DLGAP2: variants seen among roughly 807,000 people sequenced by gnomAD.
DLGAP2 encodes disks large-associated protein 2.
A neutral mutation model predicts 100.3 loss-of-function variants in DLGAP2; 26 were observed. That is an observed-to-expected ratio of 0.26 (90% CI 0.19 to 0.36). DLGAP2 has a LOEUF of 0.36. Ranked by LOEUF, DLGAP2 falls within the 10% of genes least tolerant of loss-of-function variation. DLGAP2 has a pLI of 1.00. For synonymous variants in DLGAP2, 886 were observed against 630.1 expected, an observed-to-expected ratio of 1.41 and a Z score of -6.08; for missense variants, 1,858 against 1,453.2, an observed-to-expected ratio of 1.28 and a Z score of -4.53.
intron 3 of DLGAP2, among the ~76,000 whole-genome samples, chr8:1,272,090 A>G (rs1394807355): frequency 6.6e-6 from 1 of 152,220 alleles, no homozygotes; most frequent in African/African-American, 2.4e-5. Context: ...TGCTGGAATT[A>G]CAGGCATGAG....
At chr8:1,283,545 C>G (rs1052482372) in intron 3 of DLGAP2, among the ~76,000 whole-genome samples, 3 of 152,218 alleles carry the variant, frequency 2.0e-5, no homozygotes, top group Non-Finnish European at 4.4e-5. Context: ...AGCCTTGGCA[C>G]TCGGCTTTGC....
chr8:1,339,199 G>A (rs1247381393), intron 3 of DLGAP2, among the ~76,000 whole-genome samples: 1 of 150,378 alleles, frequency 6.6e-6, no homozygotes, highest in African/African-American at 2.5e-5. Flanking sequence ...ACGTGTGAGG[G>A]AAGGCAGTGA....
At chr8:806,289 G>T (rs540208883) in intron 1 of DLGAP2, among the ~76,000 whole-genome samples, 1 of 152,324 alleles carries the variant, frequency 6.6e-6, no homozygotes, top group South Asian at 2.1e-4. Context: ...ATGGCGCTGG[G>T]TCTCAAGGTG....
intron 2 of DLGAP2, among the ~76,000 whole-genome samples, chr8:1,060,808 G>A (rs1269318552): frequency 6.6e-6 from 1 of 152,194 alleles, no homozygotes; most frequent in Non-Finnish European, 1.5e-5. Flanking sequence ...ACCTCCCTGT[G>A]GGCCTGGGAG....
intron 1 of DLGAP2, among the ~76,000 whole-genome samples, chr8:793,591 C>G (rs1329037229): frequency 2.0e-5 from 3 of 152,176 alleles, no homozygotes; most frequent in Non-Finnish European, 4.4e-5. Context: ...TACTCCTTCT[C>G]CTCTGAAACT....
chr8:1,024,270 A>G (rs11780007), intron 2 of DLGAP2, among the ~76,000 whole-genome samples: 1,103 of 33,430 alleles, frequency 0.033, 145 homozygotes, highest in Middle Eastern at 0.19. Flanking sequence ...CACCCCAGCC[A>G]CCACCCACCC....
intron 1 of DLGAP2, among the ~76,000 whole-genome samples, chr8:832,776 C>A (rs1046331389): frequency 6.6e-6 from 1 of 152,218 alleles, no homozygotes; most frequent in African/African-American, 2.4e-5. Context: ...TGCTGAGAGC[C>A]TCTGCTGGTC....
At chr8:1,689,879 C>A (rs778670945) in intron 12 of DLGAP2, among the ~76,000 whole-genome samples, 2 of 152,232 alleles carry the variant, frequency 1.3e-5, no homozygotes, top group Non-Finnish European at 2.9e-5. Context: ...ACTGGGCACG[C>A]TCTATGGAAG....
chr8:1,148,911 G>A (rs1001574918), intron 2 of DLGAP2, among the ~76,000 whole-genome samples: 13 of 152,158 alleles, frequency 8.5e-5, no homozygotes, highest in Admixed American at 8.5e-4. Context: ...TCTGACTTCA[G>A]TGGTCTCTAT....
chr8:1,013,641 GTGTGTGTGACCAGGACAGACGCCTCCAC>G (rs1801366069), intron 2 of DLGAP2, among the ~76,000 whole-genome samples: 1 of 134,938 alleles, frequency 7.4e-6, no homozygotes, highest in African/African-American at 3.3e-5. Flanking sequence ...TGCCTCCACT[GTGTGTGTGACCAGGACAGACGCCTCCAC>G]TGTGTGAGAC....
intron 2 of DLGAP2, among the ~76,000 whole-genome samples, chr8:1,254,291 C>T (rs923553514): frequency 1.2e-4 from 18 of 152,218 alleles, no homozygotes; most frequent in African/African-American, 4.3e-4. Flanking sequence ...GCTCTGTCCC[C>T]ATCATGTGAC....
intron 2 of DLGAP2, among the ~76,000 whole-genome samples, chr8:1,179,341 C>T (rs370221838): frequency 6.6e-6 from 1 of 152,260 alleles, no homozygotes; most frequent in Non-Finnish European, 1.5e-5. Flanking sequence ...GGCCAGGCAC[C>T]AGCTGAGGCT....
intron 4 of DLGAP2, among the ~76,000 whole-genome samples, chr8:1,513,587 G>A (rs1800254765): frequency 6.6e-6 from 1 of 152,220 alleles, no homozygotes; most frequent in South Asian, 2.1e-4. Context: ...GAAAATTGCA[G>A]CATTGAATTT....
chr8:780,183 C>G (rs1821647682), intron 1 of DLGAP2, among the ~76,000 whole-genome samples: 1 of 152,158 alleles, frequency 6.6e-6, no homozygotes, highest in Non-Finnish European at 1.5e-5. Flanking sequence ...CCTCACTGTT[C>G]TACTCTGTTT....
intron 2 of DLGAP2, among the ~76,000 whole-genome samples, chr8:1,151,685 G>T (rs1418236110): frequency 6.6e-6 from 1 of 152,216 alleles, no homozygotes; most frequent in Non-Finnish European, 1.5e-5. Flanking sequence ...CTTGCCTTCA[G>T]CTCAAAGCGG....
In DLGAP2 at chr8:994,227, T is replaced by C. The variant is rs368624429; in HGVS notation, c.73+86261T>C. Among the ~76,000 whole-genome samples the C allele has an allele frequency of 1.2e-4, 19 of 152,180 alleles. No homozygotes were observed. In the East Asian group the frequency reaches 3.5e-3, roughly 28 times the overall value. On this transcript the variant is annotated intron_variant, in intron 2 of 14. Coordinates refer to ENST00000637795, the MANE Select transcript of DLGAP2 (RefSeq NM_001346810.2). Reference sequence around the variant, plus strand: ...TTTTGTTTTATTTTTTGAGTTGGAGTTTCACTCTTGTTGCCCAGGCTGGAG... The same window carrying C: ...TTTTGTTTTATTTTTTGAGTTGGAGCTTCACTCTTGTTGCCCAGGCTGGAG...
chr8:1,450,680 C>G (rs1798134088), intron 3 of DLGAP2, among the ~76,000 whole-genome samples: 1 of 152,178 alleles, frequency 6.6e-6, no homozygotes, highest in Middle Eastern at 3.4e-3. Context: ...CACTGTGGTT[C>G]TAAATGGCCT....
At chr8:821,951 C>T in intron 1 of DLGAP2, 1 of 392,872 alleles carries the variant, frequency 2.5e-6, no homozygotes, top group Non-Finnish European at 4.5e-6. Context: ...GTGCCTACTT[C>T]TTCTTGCCAT....
Position 1,071,380 on chromosome 8 carries a change from C to T in DLGAP2, c.73+163414C>T, listed in dbSNP as rs574696555. ...AAGGGTGGCTTCCTGGATGACTCCC[C>T]TCCCTCCTCCAGCACCACCCTGGAT... On this transcript the variant is annotated intron_variant, in intron 2 of 14. Transcript: ENST00000637795. 6.6e-5 allele frequency among the ~76,000 whole-genome samples: 10 copies of T among 152,260 alleles called. No homozygotes were observed. In the South Asian group the frequency reaches 2.1e-3, roughly 32 times the overall value.
Sources: allele counts gnomAD v4.1 joint callset (sites outside exome capture counted in the v4.1 genomes callset), GRCh38; gene constraint gnomAD v4.1.1; transcripts MANE v1.5; gene names NCBI Gene and HGNC (gene_info 2026-07-23, HGNC 2026-07-21).